Variants in ANO6 observed in about 807,000 individuals in gnomAD.
The protein encoded by ANO6 is anoctamin-6.
A neutral mutation model predicts 117.5 loss-of-function variants in ANO6; 106 were observed. That is an observed-to-expected ratio of 0.90 (90% CI 0.77 to 1.06). The LOEUF is 1.06. Among genes scored for constraint, ANO6 ranks in the 50% least tolerant of loss-of-function variants. The probability of loss-of-function intolerance (pLI) is 0.00; values close to 1 mark genes in which losing one functional copy is unlikely to be tolerated. For synonymous variants in ANO6, 367 were observed against 385.1 expected, an observed-to-expected ratio of 0.95 and a Z score of 0.55; for missense variants, 955 against 1,121.1, an observed-to-expected ratio of 0.85 and a Z score of 2.12.
chr12:45,237,344 A>T (rs1037872122), intron 1 of ANO6, among the ~76,000 whole-genome samples: 3 of 152,068 alleles, frequency 2.0e-5, no homozygotes, highest in Admixed American at 1.3e-4. Flanking sequence ...TCTTCTAGGG[A>T]TTTTATGGTT....
In ANO6 at chr12:45,348,634, A is replaced by G. The variant is rs1403022225; in HGVS notation, c.747+3A>G. On this transcript the variant is annotated splice_donor_region_variant and intron_variant, in intron 6 of 19. Transcript: ENST00000320560. ...AGGCAGCTTTCCCACTCCATGATGTAAGTTAAAAGGCAAAAATGAACTAAA... is the reference window on the plus strand; with the variant it reads ...AGGCAGCTTTCCCACTCCATGATGTGAGTTAAAAGGCAAAAATGAACTAAA... The G allele has an allele frequency of 6.2e-7, 1 of 1,609,980 alleles. No individual in the cohort carries two copies. The highest frequency in any genetic ancestry group is 8.5e-7 in the Non-Finnish European group (1 of 1,176,296).
chr12:45,403,148 C>G lies in ANO6; in HGVS notation c.1689C>G (p.Tyr563Ter). 6.2e-7 allele frequency: 1 copy of G among 1,613,922 alleles called. No homozygotes were observed. Among genetic ancestry groups the G allele is most frequent in the Non-Finnish European group, 8.5e-7 (1 of 1,179,864 alleles). ...TCTTATTCCAGTTTGTCAACTACTA[C>G]TCTTCATGCTTCTACATAGCATTCT... is the stretch of plus-strand genomic sequence containing the variant. ...KMFLFQFVNY[Y>*]SSCFYIAFFK... The change falls in exon 14 of 20, where the codon TAC becomes TAG. Residue 563 changes from tyrosine to a stop codon, truncating the protein, a stop_gained. Transcript: ENST00000320560. LOFTEE classifies it high-confidence loss of function.
At position 45,370,098 on chromosome 12, in the gene ANO6, C is replaced by T. The variant is rs566240488; in HGVS notation, c.1104+2305C>T. Among the ~76,000 whole-genome samples, 169 of 152,310 alleles carry T rather than the reference C, an allele frequency of 1.1e-3. 2 individuals carry two copies. The South Asian group carries it at 0.015, about 13-fold the overall frequency. On this transcript the variant is annotated intron_variant, in intron 9 of 19. Coordinates refer to ENST00000320560, the MANE Select transcript of ANO6 (RefSeq NM_001025356.3). ...ACTAAAGCAGTATGCTGATTCAGAC[C>T]GCTCTTAACACAGCTGTCTTGCCCT...
intron 1 of ANO6, among the ~76,000 whole-genome samples, chr12:45,264,686 A>C (rs184458959): frequency 4.6e-4 from 70 of 152,350 alleles, no homozygotes; most frequent in African/African-American, 1.4e-3. Flanking sequence ...ATGTAAATAC[A>C]AAAAATTTTT....
At position 45,431,814 on chromosome 12, in the gene ANO6, C is replaced by T; in HGVS notation, c.*2503C>T. 1 of 985,472 alleles carries T rather than the reference C, an allele frequency of 1.0e-6. No homozygotes were observed. 61.0% of individuals were successfully genotyped at this position (985,472 alleles called of 1,614,324 possible). A position where few individuals can be genotyped will look rare whatever the true frequency, so the allele number is the denominator to read the frequency against. On this transcript the variant is annotated 3_prime_UTR_variant, in exon 20 of 20. Transcript: ENST00000320560. ...CTGTGAAGAGGGAGAATCTAGCCTT[C>T]AGCCTGTCCAGTGTTAACCACTAGA...
intron 9 of ANO6, among the ~76,000 whole-genome samples, chr12:45,369,614 G>A (rs572650019): frequency 6.6e-6 from 1 of 151,752 alleles, no homozygotes; most frequent in South Asian, 2.1e-4. Context: ...TAAGTAAGGG[G>A]ACTAAATGGA....
rs142792057 is a variant in ANO6 at position 45,224,161 on chromosome 12, C to A, written c.70+7770C>A. On this transcript the variant is annotated intron_variant, in intron 1 of 19. Transcript: ENST00000320560. ...TCTGTACCAGGTTCAGTGGTGATACCAAGGAGAAAGCACGTGACCTTGCCT... is the reference window on the plus strand; with the variant it reads ...TCTGTACCAGGTTCAGTGGTGATACAAAGGAGAAAGCACGTGACCTTGCCT... Among the ~76,000 whole-genome samples, 306 of 152,082 alleles carry A rather than the reference C, an allele frequency of 2.0e-3. 5 individuals carry two copies. The highest frequency in any genetic ancestry group is 0.016 in the Admixed American group (248 of 15,276).
rs1380003566 is a variant in ANO6, at chr12:45,292,941, A to G, written c.71-9073A>G. 4 of 1,551,370 alleles carry G rather than the reference A, an allele frequency of 2.6e-6. No homozygotes were observed. In the East Asian group the frequency reaches 7.3e-5, roughly 28 times the overall value. On this transcript the variant is annotated intron_variant, in intron 1 of 19. Coordinates refer to ENST00000320560, the MANE Select transcript of ANO6 (RefSeq NM_001025356.3). ...GGAATGTTTTGTGCTGCTGGTAAGA[A>G]CATGTTCCTATTTGGTGAGTTGCTG...
chr12:45,323,711 G>A (rs1592966221), intron 2 of ANO6, among the ~76,000 whole-genome samples: 1 of 152,092 alleles, frequency 6.6e-6, no homozygotes, highest in East Asian at 1.9e-4. Flanking sequence ...ATGGCTAGTT[G>A]TACATGGCAT....
At chr12:45,436,791 A>G (rs1004701247), downstream of ANO6, among the ~76,000 whole-genome samples, 2 of 152,172 alleles carry the variant, frequency 1.3e-5, no homozygotes, top group Non-Finnish European at 2.9e-5. Flanking sequence ...AACATGGTGA[A>G]ACCCTATTTC....
chr12:45,270,592 G>A lies in ANO6; in HGVS notation c.71-31422G>A, dbSNP rs1031675906. On this transcript the variant is annotated intron_variant, in intron 1 of 19. Transcript: ENST00000320560. ...TTTTTCCCCTCCGACTGTCAGTTCC[G>A]GGAGAACAGGCCTGTCTTTCCTGTT... 2.8e-5 allele frequency: 15 copies of A among 530,158 alleles called. No individual in the cohort carries two copies. The Admixed American group carries it at 3.1e-4, about 11-fold the overall frequency. The allele number at this position is 530,158 out of a possible 1,614,324, so 32.8% of individuals were successfully genotyped here. A position where few individuals can be genotyped will look rare whatever the true frequency, so the allele number is the denominator to read the frequency against.
chr12:45,279,102 C>A (rs1221526640), intron 1 of ANO6, among the ~76,000 whole-genome samples: 1 of 152,146 alleles, frequency 6.6e-6, no homozygotes, highest in Admixed American at 6.5e-5. Context: ...CCAGAGAATA[C>A]CTTTCAAGTC....
rs372734381 is a variant in ANO6, at chr12:45,421,209, G to A, written c.2356G>A (p.Ala786Thr). The A allele has an allele frequency of 5.8e-5, 94 of 1,614,090 alleles. No homozygotes were observed. In the African/African-American group the frequency reaches 8.8e-4, roughly 15 times the overall value. Residue 786 changes from alanine (A) to threonine (T), a missense_variant, in exon 18 of 20, where the codon GCA (alanine) becomes ACA (threonine). Coordinates refer to ENST00000320560, the MANE Select transcript of ANO6 (RefSeq NM_001025356.3). ...INNTLSIFKV[A>T]DFKNKSKGNP... ...CAACACTCTCTCCATCTTCAAAGTC[G>A]CAGACTTCAAAAACAAAAGCAAGGG...
intron 3 of ANO6, among the ~76,000 whole-genome samples, chr12:45,345,406 T>C: frequency 6.6e-6 from 1 of 152,162 alleles, no homozygotes; most frequent in East Asian, 1.9e-4. Context: ...ACTCTGTCCC[T>C]TTAGAGTGGG....
chr12:45,230,957 A>G (rs148483861), intron 1 of ANO6, among the ~76,000 whole-genome samples: 411 of 152,284 alleles, frequency 2.7e-3, no homozygotes, highest in African/African-American at 9.1e-3. Context: ...AAATATAAAA[A>G]TTAGCCAAGA....
intron 1 of ANO6, among the ~76,000 whole-genome samples, chr12:45,264,956 C>T (rs184576642): frequency 6.6e-6 from 1 of 152,290 alleles, no homozygotes; most frequent in Admixed American, 6.5e-5. Flanking sequence ...ATATTCTCAA[C>T]AATTTCTGAT....
chr12:45,249,493 G>C (rs141891643), intron 1 of ANO6, among the ~76,000 whole-genome samples: 7 of 152,198 alleles, frequency 4.6e-5, no homozygotes, highest in African/African-American at 1.7e-4. Context: ...TCTGATTCTA[G>C]AAGGTGCTGT....
chr12:45,395,469 G>A (rs1169648193), intron 12 of ANO6, among the ~76,000 whole-genome samples: 1 of 152,096 alleles, frequency 6.6e-6, no homozygotes, highest in African/African-American at 2.4e-5. Context: ...GAAAAAGAGG[G>A]AATCCTCCCT....
intron 1 of ANO6, among the ~76,000 whole-genome samples, chr12:45,262,487 G>T (rs1190644513): frequency 6.6e-6 from 1 of 151,594 alleles, no homozygotes; most frequent in Non-Finnish European, 1.5e-5. Flanking sequence ...GCAATGGCGC[G>T]ATCTCTGGCT....
Sources: gnomAD v4.1 joint callset for allele counts (sites outside exome capture counted in the v4.1 genomes callset) on GRCh38, gnomAD v4.1.1 for gene constraint, MANE v1.5 for transcripts, NCBI Gene and HGNC (gene_info 2026-07-23, HGNC 2026-07-21) for gene names.